MROH9: variants seen among roughly 807,000 people sequenced by gnomAD.
The protein encoded by MROH9 is maestro heat like repeat family member 9.
Under a neutral mutation model 98.2 loss-of-function variants are expected in MROH9, and 92 were observed. The ratio of observed to expected loss-of-function variants is 0.94; its 90% confidence interval spans 0.79 to 1.11. The LOEUF is 1.11. MROH9 is among the 50% of genes most tolerant of loss of function. The pLI is 0.00. For missense variants in MROH9, 1,057 were observed against 1,014.8 expected, an observed-to-expected ratio of 1.04 and a Z score of -0.57; for synonymous variants, 397 against 368.9, an observed-to-expected ratio of 1.08 and a Z score of -0.87.
chr1:170,998,486 G>T lies in MROH9; in HGVS notation c.1596+212G>T. The T allele has an allele frequency of 2.7e-6, 4 of 1,499,004 alleles. No homozygotes were observed. In the South Asian group the frequency reaches 5.5e-5, roughly 21 times the overall value. The allele number at this position is 1,499,004 out of a possible 1,614,324, so 92.9% of individuals were successfully genotyped here. ...TCCCTTCAGCTTTCCCCAGCAGTTGGTTTTTCTCTGTTTCTAGGGGTGTGA... is the reference window on the plus strand; with the variant it reads ...TCCCTTCAGCTTTCCCCAGCAGTTGTTTTTTCTCTGTTTCTAGGGGTGTGA... On this transcript the variant is annotated intron_variant, in intron 15 of 21. Coordinates refer to ENST00000367759, the MANE Select transcript of MROH9 (RefSeq NM_001163629.2).
At chr1:171,004,948 A>G (rs1651906388) in intron 15 of MROH9, among the ~76,000 whole-genome samples, 1 of 151,366 alleles carries the variant, frequency 6.6e-6, no homozygotes, top group South Asian at 2.1e-4. Context: ...TATTTTGACT[A>G]TTTGGGGTGT....
chr1:170,937,153 A>G (rs1282286316), intron 1 of MROH9, among the ~76,000 whole-genome samples: 2 of 152,200 alleles, frequency 1.3e-5, no homozygotes, highest in Non-Finnish European at 2.9e-5. Context: ...GTTTTCTTAC[A>G]TACAACTGAG....
At chr1:170,998,387 A>G (rs754769527) in intron 15 of MROH9, 113 bp downstream of exon 15, 3 of 1,609,934 alleles carry the variant, frequency 1.9e-6, no homozygotes, top group Non-Finnish European at 2.5e-6. Flanking sequence ...TCTTACCAAG[A>G]CTTAAGATCA....
At chr1:171,005,265 T>A (rs1651918610) in intron 15 of MROH9, among the ~76,000 whole-genome samples, 1 of 152,088 alleles carries the variant, frequency 6.6e-6, no homozygotes, top group Non-Finnish European at 1.5e-5. Flanking sequence ...GGTTTTGGGT[T>A]TCACAATGTT....
chr1:171,022,645 G>C (rs143401857), intron 17 of MROH9, among the ~76,000 whole-genome samples: 1 of 152,102 alleles, frequency 6.6e-6, no homozygotes, highest in Non-Finnish European at 1.5e-5. Context: ...AATAGCTAAT[G>C]CATATGGGGC....
At chr1:170,974,401 C>T (rs1650602826) in intron 8 of MROH9, among the ~76,000 whole-genome samples, 1 of 151,746 alleles carries the variant, frequency 6.6e-6, no homozygotes, top group African/African-American at 2.4e-5. Flanking sequence ...AGAAAAAAAT[C>T]TTAAAAGGAG....
intron 7 of MROH9, among the ~76,000 whole-genome samples, chr1:170,967,012 T>G (rs575268335): frequency 1.3e-5 from 2 of 152,194 alleles, no homozygotes; most frequent in Non-Finnish European, 2.9e-5. Context: ...AAGTAGCAGA[T>G]AGGCATTTTG....
chr1:170,975,707 G>A (rs780157994), intron 8 of MROH9, among the ~76,000 whole-genome samples: 5 of 152,058 alleles, frequency 3.3e-5, no homozygotes, highest in Non-Finnish European at 7.4e-5. Flanking sequence ...ATCTAATACT[G>A]CCAGTGGGAT....
intron 8 of MROH9, among the ~76,000 whole-genome samples, chr1:170,982,037 C>T (rs1360762381): frequency 6.6e-6 from 1 of 152,038 alleles, no homozygotes; most frequent in Non-Finnish European, 1.5e-5. Flanking sequence ...TGGCACTATC[C>T]TAAAAAGTTA....
intron 17 of MROH9, among the ~76,000 whole-genome samples, chr1:171,020,183 A>G (rs1368533674): frequency 6.7e-6 from 1 of 150,292 alleles, no homozygotes; most frequent in Non-Finnish European, 1.5e-5. Flanking sequence ...TCTACTAGAC[A>G]TACAAAGAGG....
intron 6 of MROH9, among the ~76,000 whole-genome samples, chr1:170,962,989 T>C (rs1231295349): frequency 1.3e-5 from 2 of 151,872 alleles, no homozygotes; most frequent in Non-Finnish European, 1.5e-5. Context: ...ACAAATGGGA[T>C]CTAATTAAAC....
chr1:171,052,138 A>G (rs977803597), intron 20 of MROH9, among the ~76,000 whole-genome samples: 2 of 152,074 alleles, frequency 1.3e-5, no homozygotes, highest in Non-Finnish European at 2.9e-5. Context: ...GTTTCCAATA[A>G]TTTACACATT....
At chr1:171,060,914 A>G (rs927191231) in intron 20 of MROH9, among the ~76,000 whole-genome samples, 2 of 152,236 alleles carry the variant, frequency 1.3e-5, no homozygotes, top group Non-Finnish European at 2.9e-5. Context: ...GTGTTAATTA[A>G]AAAACAAATG....
At chr1:170,990,091 C>G (rs1651298453) in intron 11 of MROH9, 88 bp downstream of exon 11, 1 of 1,337,476 alleles carries the variant, frequency 7.5e-7, no homozygotes, top group Admixed American at 2.6e-5. Context: ...TCTCAATCTA[C>G]CATAGTCAGG....
chr1:170,958,194 A>G (rs1649854045), intron 3 of MROH9, among the ~76,000 whole-genome samples: 1 of 152,198 alleles, frequency 6.6e-6, no homozygotes, highest in African/African-American at 2.4e-5. Flanking sequence ...TCTGGTAAAG[A>G]GCACACCTTA....
chr1:171,054,081 A>C (rs1557915610), intron 20 of MROH9, among the ~76,000 whole-genome samples: 1 of 152,262 alleles, frequency 6.6e-6, no homozygotes, highest in East Asian at 1.9e-4. Context: ...AATTCAGAAA[A>C]AAGTTCTCAA....
intron 20 of MROH9, among the ~76,000 whole-genome samples, chr1:171,032,490 T>C (rs1018090015): frequency 6.6e-6 from 1 of 152,098 alleles, no homozygotes; most frequent in Non-Finnish European, 1.5e-5. Context: ...GTTTTTGTTG[T>C]TTCTTTCTGC....
intron 15 of MROH9, among the ~76,000 whole-genome samples, chr1:171,007,197 G>T (rs1651989317): frequency 6.6e-6 from 1 of 152,182 alleles, no homozygotes; most frequent in Non-Finnish European, 1.5e-5. Flanking sequence ...AGGGCACCTG[G>T]GTGCTTCTGG....
Position 170,998,107 on chromosome 1 carries a change from A to G in MROH9, c.1476-47A>G, listed in dbSNP as rs745631645. ...TGATTCTCTCTTTGCCACTATTAGC[A>G]TGGTGTTTTCTCCTTTGCTAATTCA... On this transcript the variant is annotated intron_variant, in intron 14 of 21. Coordinates refer to ENST00000367759, the MANE Select transcript of MROH9 (RefSeq NM_001163629.2). 38 of 1,396,698 alleles carry G rather than the reference A, an allele frequency of 2.7e-5. No individual in the cohort carries two copies. The African/African-American group carries it at 4.5e-4, about 16-fold the overall frequency. 86.5% of individuals were successfully genotyped at this position (1,396,698 alleles called of 1,614,324 possible). A position where few individuals can be genotyped will look rare whatever the true frequency, so the allele number is the denominator to read the frequency against.
Sources: allele counts gnomAD v4.1 joint callset (sites outside exome capture counted in the v4.1 genomes callset), GRCh38; gene constraint gnomAD v4.1.1; transcripts MANE v1.5; gene names NCBI Gene and HGNC (gene_info 2026-07-23, HGNC 2026-07-21).